Variants in TMEM8B observed in about 807,000 individuals in gnomAD.
TMEM8B encodes the protein transmembrane protein 8B, also known as nasopharyngeal carcinoma expressed 6.
A neutral mutation model predicts 49.3 loss-of-function variants in TMEM8B; 29 were observed. The ratio of observed to expected loss-of-function variants is 0.59; its 90% CI spans 0.44 to 0.80. TMEM8B has a LOEUF of 0.80. TMEM8B is among the 30% of genes least tolerant of loss of function. The probability of loss-of-function intolerance (pLI) is 0.00; values close to 1 mark genes in which losing one functional copy is unlikely to be tolerated. For synonymous variants in TMEM8B, 264 were observed against 272.8 expected (o/e 0.97, Z 0.32); for missense variants, 575 against 658.5 (o/e 0.87, Z 1.39).
chr9:35,852,877 C>CTACG lies in TMEM8B; in HGVS notation c.2227_2230dup (p.Asp744ValfsTer8). 1 of 1,614,196 alleles carries CTACG rather than the reference C, an allele frequency of 6.2e-7. No individual in the cohort carries two copies. Among genetic ancestry groups the CTACG allele is most frequent in the Non-Finnish European group, 8.5e-7 (1 of 1,180,044 alleles). ...GCATCGTGGTTTTCTGCATCATGGA[C>CTACG]TACGATGTGCTGCAGTTCTGTGATT... On this transcript the variant is annotated frameshift_variant, in exon 11 of 13. Transcript: ENST00000643932. LOFTEE classifies it high-confidence loss of function.
chr9:35,837,527 A>G (rs960074643), intron 3 of TMEM8B, among the ~76,000 whole-genome samples: 3 of 152,036 alleles, frequency 2.0e-5, no homozygotes, highest in African/African-American at 7.2e-5. Flanking sequence ...TGAGGAAGGT[A>G]GAGGGTTGAG....
intron 10 of TMEM8B, among the ~76,000 whole-genome samples, chr9:35,848,966 C>T (rs556367984): frequency 6.6e-6 from 1 of 152,278 alleles, no homozygotes; most frequent in Admixed American, 6.5e-5. Context: ...AGCCACTGCG[C>T]CGGGCCAAAA....
Position 35,846,970 on chromosome 9 carries a change from A to G in TMEM8B, c.2150A>G (p.Tyr717Cys), listed in dbSNP as rs1831658679. ...CGATATGTGCTGGAAGCTGCAGTCT[A>G]CACCTTCACCATGTTCTTCTCCACG... is the stretch of plus-strand genomic sequence containing the variant. The part of the protein sequence containing the change: ...RSRYVLEAAV[Y>C]TFTMFFSTFY... Residue 717 changes from tyrosine (Y) to cysteine (C), a missense_variant, in exon 10 of 13, where the codon TAC becomes TGC. Tyr to Cys is a radical substitution (Grantham distance 194). Transcript: ENST00000643932. 6.2e-6 allele frequency: 10 copies of G among 1,613,968 alleles called. No individual in the cohort carries two copies. Among genetic ancestry groups the G allele is most frequent in the Non-Finnish European group, 8.5e-6 (10 of 1,180,020 alleles).
Position 35,862,746 on chromosome 9 carries a change from C to T in TMEM8B, c.*8906C>T, listed in dbSNP as rs1564057178. The T allele has an allele frequency of 6.6e-6, 1 of 152,248 alleles. No individual in the cohort carries two copies. The highest frequency in any genetic ancestry group is 2.1e-4 in the South Asian group (1 of 4,830). The allele number at this position is 152,248 out of a possible 1,614,324, so 9.4% of individuals were successfully genotyped here. A position where few individuals can be genotyped will look rare whatever the true frequency, so the allele number is the denominator to read the frequency against. On this transcript the variant is annotated 3_prime_UTR_variant, in exon 13 of 13. Transcript: ENST00000643932. ...ACACCACTGTCTCGTGCAGCCTTCT[C>T]TCAGATGGCTTCATAAAACTGACCA... is the stretch of plus-strand genomic sequence containing the variant.
Position 35,857,915 on chromosome 9 carries a change from T to C in TMEM8B, c.*4075T>C, listed in dbSNP as rs1588197429. 1 of 152,154 alleles carries C rather than the reference T, an allele frequency of 6.6e-6. No individual in the cohort carries two copies. Among genetic ancestry groups the C allele is most frequent in the East Asian group, 1.9e-4 (1 of 5,188 alleles). 9.4% of individuals were successfully genotyped at this position (152,154 alleles called of 1,614,324 possible). On this transcript the variant is annotated 3_prime_UTR_variant, in exon 13 of 13. Transcript: ENST00000643932. ...CTGTGCCTGGCTCTTATGCCTTCAA[T>C]CTCAGTGACTGGTGACCTGCAGGAG...
rs1452053725 is a variant in TMEM8B at position 35,835,080 on chromosome 9, G to A, written c.768G>A (p.Val256=). ...CACACTTCCCAGGGGACACAGCTGT[G>A]CCTGGGGTTTTCTCACTGACCCTCA... ...LHTHFPGDTA[V]PGVFSLTLSW... is the part of the protein sequence containing the mutation. The change falls in exon 3 of 13, where the codon GTG becomes GTA. Residue 256 remains valine (V), a synonymous_variant. Coordinates refer to ENST00000643932, the MANE Select transcript of TMEM8B (RefSeq NM_001042590.4). 2 of 415,646 alleles carry A rather than the reference G, an allele frequency of 4.8e-6. No homozygotes were observed. The highest frequency in any genetic ancestry group is 8.8e-6 in the Non-Finnish European group (2 of 226,446). The allele number at this position is 415,646 out of a possible 1,614,324, so 25.7% of individuals were successfully genotyped here.
chr9:35,850,005 C>T (rs1361074093), intron 10 of TMEM8B, among the ~76,000 whole-genome samples: 1 of 152,224 alleles, frequency 6.6e-6, no homozygotes, highest in African/African-American at 2.4e-5. Context: ...AGCCCACCTT[C>T]TCATTACGCC....
rs1832593428 is a variant in TMEM8B, at chr9:35,858,538, G to A, written c.*4698G>A. 6.6e-6 allele frequency: 1 copy of A among 152,246 alleles called. No homozygotes were observed. Among genetic ancestry groups the A allele is most frequent in the East Asian group, 1.9e-4 (1 of 5,200 alleles). 9.4% of individuals were successfully genotyped at this position (152,246 alleles called of 1,614,324 possible). A position where few individuals can be genotyped will look rare whatever the true frequency, so the allele number is the denominator to read the frequency against. ...GACGATTAACTTGGCAGCAGCCCGT[G>A]AAGGATAGATGGTCAGGATAAAGAA... On this transcript the variant is annotated 3_prime_UTR_variant, in exon 13 of 13. Transcript: ENST00000643932.
At chr9:35,835,264 A>C (rs111712280) in intron 3 of TMEM8B, 46 bp downstream of exon 3, 1 of 413,446 alleles carries the variant, frequency 2.4e-6, no homozygotes, top group African/African-American at 2.0e-5. Context: ...CTGCCCTTCC[A>C]TCTCTGCTGA....
intron 3 of TMEM8B, among the ~76,000 whole-genome samples, chr9:35,835,734 C>A (rs1830386498): frequency 6.6e-6 from 1 of 152,244 alleles, no homozygotes; most frequent in African/African-American, 2.4e-5. Flanking sequence ...ACAAGAGAAG[C>A]TCTTTCCTGC....
At chr9:35,836,433 C>G (rs1830451720) in intron 3 of TMEM8B, among the ~76,000 whole-genome samples, 1 of 152,232 alleles carries the variant, frequency 6.6e-6, no homozygotes, top group African/African-American at 2.4e-5. Context: ...TATCCCAACT[C>G]TGATCCTTGA....
intron 8 of TMEM8B, 44 bp downstream of exon 8, chr9:35,846,425 C>A: frequency 6.3e-7 from 1 of 1,598,538 alleles, no homozygotes. Flanking sequence ...CGGGACTTGG[C>A]GGGGGTGGCC....
At chr9:35,846,676 AGGC>A (rs1831617768) in intron 9 of TMEM8B, 65 bp downstream of exon 9, 22 of 1,553,822 alleles carry the variant, frequency 1.4e-5, no homozygotes, top group Non-Finnish European at 1.9e-5. Context: ...GCCTGTGGGC[AGGC>A]GGCGGGAGTA....
chr9:35,851,587 C>T (rs1284524799), intron 10 of TMEM8B, among the ~76,000 whole-genome samples: 2 of 152,230 alleles, frequency 1.3e-5, no homozygotes. Flanking sequence ...AAGCCTGGAA[C>T]ACCCACTTAA....
In TMEM8B at chr9:35,853,997, C is replaced by G. The variant is rs1732014462; in HGVS notation, c.*157C>G. The G allele has an allele frequency of 2.7e-5, 36 of 1,350,866 alleles. No individual in the cohort carries two copies. The highest frequency in any genetic ancestry group is 4.4e-5 in the African/African-American group (3 of 67,812). 83.7% of individuals were successfully genotyped at this position (1,350,866 alleles called of 1,614,324 possible). On this transcript the variant is annotated 3_prime_UTR_variant, in exon 13 of 13. Transcript: ENST00000643932. This position sits in a 1 kb window ranked among gnomAD's most constrained non-coding sequence, Gnocchi z 4.2. Reference sequence around the variant, plus strand: ...TCTTCCAGGGACCTGGAGCCCTTCCCAGGACATGGAGAACTTCCTGAGGGC... The same window carrying G: ...TCTTCCAGGGACCTGGAGCCCTTCCGAGGACATGGAGAACTTCCTGAGGGC...
At chr9:35,830,161 C>G (rs1829717987) in intron 1 of TMEM8B, among the ~76,000 whole-genome samples, 1 of 152,146 alleles carries the variant, frequency 6.6e-6, no homozygotes, top group Admixed American at 6.5e-5. Context: ...CAGCAGGTGG[C>G]TTACAGTTTC....
Position 35,853,468 on chromosome 9 carries a change from T to G in TMEM8B, c.2440-37T>G. Reference sequence around the variant, plus strand: ...CCAGCTCTGGCTTGGGTTCCAGGGCTTGGCATTCCTGAGCCCCACTTCTCT... The same window carrying G: ...CCAGCTCTGGCTTGGGTTCCAGGGCGTGGCATTCCTGAGCCCCACTTCTCT... On this transcript the variant is annotated intron_variant, in intron 12 of 12. Transcript: ENST00000643932. This position sits in a 1 kb window ranked among gnomAD's most constrained non-coding sequence, Gnocchi z 4.2. 1 of 1,586,630 alleles carries G rather than the reference T, an allele frequency of 6.3e-7. No homozygotes were observed. The highest frequency in any genetic ancestry group is 1.1e-5 in the South Asian group (1 of 87,640).
chr9:35,858,431 C>G lies in TMEM8B; in HGVS notation c.*4591C>G, dbSNP rs934753690. 6.6e-6 allele frequency: 1 copy of G among 152,324 alleles called. No homozygotes were observed. Among genetic ancestry groups the G allele is most frequent in the Non-Finnish European group, 1.5e-5 (1 of 68,158 alleles). The allele number at this position is 152,324 out of a possible 1,614,324, so 9.4% of individuals were successfully genotyped here. On this transcript the variant is annotated 3_prime_UTR_variant, in exon 13 of 13. Coordinates refer to ENST00000643932, the MANE Select transcript of TMEM8B (RefSeq NM_001042590.4). The stretch of plus-strand genomic sequence containing the variant: ...AATCACATGCAAACTTCTCTGTGGC[C>G]AACCCTAACCCACACCCTCTAACCT...
intron 10 of TMEM8B, 70 bp from the exon 11 acceptor site, chr9:35,852,757 C>A: frequency 6.3e-7 from 1 of 1,593,148 alleles, no homozygotes; most frequent in Non-Finnish European, 8.6e-7. Context: ...CCCCTGGGCC[C>A]ACCCCTCCGG....
Sources: gnomAD v4.1 joint callset for allele counts (sites outside exome capture counted in the v4.1 genomes callset) on GRCh38, gnomAD v4.1.1 for gene constraint, Gnocchi (gnomAD v3.1) non-coding constraint, MANE v1.5 for transcripts, NCBI Gene and HGNC (gene_info 2026-07-23, HGNC 2026-07-21) for gene names.